The following DST variants were observed in gnomAD, a reference collection of about 807,000 sequenced individuals.
The protein encoded by DST is dystonin.
In DST, 253 loss-of-function variants were observed where a neutral mutation model predicts 875.2. That is an observed-to-expected ratio of 0.29 (90% confidence interval 0.26 to 0.32). DST has a LOEUF of 0.32. Among genes scored for constraint, DST ranks in the 10% least tolerant of loss-of-function variants. The pLI is 1.00. For missense variants in DST, 8,287 were observed against 9,111.6 expected, an observed-to-expected ratio of 0.91 and a Z score of 3.68; for synonymous variants, 3,124 against 3,197.1, an observed-to-expected ratio of 0.98 and a Z score of 0.77.
intron 2 of DST, among the ~76,000 whole-genome samples, chr6:56,941,766 C>A (rs2127788124): frequency 6.6e-6 from 1 of 152,288 alleles, no homozygotes; most frequent in African/African-American, 2.4e-5. Context: ...TAGGCATGAG[C>A]CACCGTGCCT....
At chr6:56,926,795 C>T (rs1199959720) in intron 2 of DST, among the ~76,000 whole-genome samples, 1 of 152,096 alleles carries the variant, frequency 6.6e-6, no homozygotes, top group Non-Finnish European at 1.5e-5. Context: ...AGGATATGCT[C>T]TCCTCAAACT....
intron 2 of DST, among the ~76,000 whole-genome samples, chr6:56,902,229 G>C (rs1332690568): frequency 4.6e-5 from 7 of 152,226 alleles, no homozygotes; most frequent in African/African-American, 1.4e-4. Context: ...AAACTAGTGA[G>C]AGATAAACAC....
chr6:56,497,255 C>T, intron 82 of DST, 124 bp downstream of exon 82: 1 of 1,096,040 alleles, frequency 9.1e-7, no homozygotes, highest in Non-Finnish European at 1.3e-6. Context: ...CATGTATACA[C>T]AGTGATTTCT....
intron 36 of DST, among the ~76,000 whole-genome samples, chr6:56,622,535 A>G (rs1329789834): frequency 7.5e-6 from 1 of 132,534 alleles, no homozygotes; most frequent in African/African-American, 2.9e-5. Context: ...AGATCACGCC[A>G]CTGCACTCCA....
intron 4 of DST, among the ~76,000 whole-genome samples, chr6:56,738,744 T>A (rs538390344): frequency 6.6e-6 from 1 of 152,146 alleles, no homozygotes; most frequent in South Asian, 2.1e-4. Context: ...CACCTCAGCC[T>A]CCCAAGGAGT....
chr6:56,507,616 A>G (rs7773960), intron 75 of DST, among the ~76,000 whole-genome samples: 4,485 of 152,314 alleles, frequency 0.029, 224 homozygotes, highest in African/African-American at 0.1. Context: ...AGGACATTCT[A>G]GAGTGAGGAA....
intron 75 of DST, among the ~76,000 whole-genome samples, chr6:56,507,216 T>C (rs1280407023): frequency 6.6e-6 from 1 of 152,226 alleles, no homozygotes; most frequent in Non-Finnish European, 1.5e-5. Context: ...TTACATTTTA[T>C]GTCATTACCC....
At chr6:56,618,731 G>A in intron 36 of DST, 2 of 1,614,012 alleles carry the variant, frequency 1.2e-6, no homozygotes, top group Non-Finnish European at 1.7e-6. Context: ...ATCATTTTCA[G>A]TGATGACTTT....
chr6:56,817,734 T>C (rs2099768272), intron 4 of DST, among the ~76,000 whole-genome samples: 1 of 152,196 alleles, frequency 6.6e-6, no homozygotes, highest in Non-Finnish European at 1.5e-5. Context: ...AATACAGGAA[T>C]GGTTGTGCTA....
chr6:56,546,603 G>C (rs996110579), intron 61 of DST, among the ~76,000 whole-genome samples: 1 of 151,702 alleles, frequency 6.6e-6, no homozygotes, highest in African/African-American at 2.4e-5. Context: ...ACATTTTCTT[G>C]TTGTATCCAG....
rs527919875 is a variant in DST, at chr6:56,902,440, A to G, written c.217-1819T>C. Among the ~76,000 whole-genome samples, 30 of 152,332 alleles carry G rather than the reference A, an allele frequency of 2.0e-4. No homozygotes were observed. In the South Asian group the frequency reaches 6.0e-3, roughly 31 times the overall value. ...TGTACAGTGGGATTCTCACTGAGGG[A>G]GCCGGAAGATGGGCTACTGTCCAAT... On this transcript the variant is annotated intron_variant, in intron 2 of 103. Transcript: ENST00000680361.
intron 3 of DST, among the ~76,000 whole-genome samples, chr6:56,866,285 A>G (rs1000466760): frequency 2.6e-5 from 4 of 152,222 alleles, no homozygotes; most frequent in Non-Finnish European, 4.4e-5. Context: ...GGCATGAGCC[A>G]CCATGCCCAG....
chr6:56,893,317 T>C (rs62411412), intron 3 of DST, among the ~76,000 whole-genome samples: 8,085 of 152,208 alleles, frequency 0.053, 329 homozygotes, highest in East Asian at 0.16. Context: ...TCCAGGTCAC[T>C]GCAAATTCTG....
At chr6:56,624,356 T>C (rs2098715177) in intron 36 of DST, 174 bp downstream of exon 36, 2 of 690,596 alleles carry the variant, frequency 2.9e-6, no homozygotes, top group African/African-American at 1.8e-5. Flanking sequence ...CAAACAAAAA[T>C]CTTAGGCCTT....
chr6:56,720,183 C>T (rs1477443639), intron 5 of DST, among the ~76,000 whole-genome samples: 4 of 152,224 alleles, frequency 2.6e-5, no homozygotes, highest in Admixed American at 2.6e-4. Context: ...CCCTCAGGGT[C>T]GCCTTCTCTT....
At chr6:56,753,641 G>C (rs2099594459) in intron 4 of DST, among the ~76,000 whole-genome samples, 1 of 152,000 alleles carries the variant, frequency 6.6e-6, no homozygotes, top group South Asian at 2.1e-4. Flanking sequence ...CTGCAATCTA[G>C]TAATGGCAAC....
At chr6:56,644,891 C>T (rs2098933062) in intron 15 of DST, among the ~76,000 whole-genome samples, 1 of 152,068 alleles carries the variant, frequency 6.6e-6, no homozygotes, top group African/African-American at 2.4e-5. Flanking sequence ...AGTGTGGGGC[C>T]AGGTGGAGAT....
intron 79 of DST, 68 bp downstream of exon 79, chr6:56,501,449 TTAA>T: frequency 7.9e-7 from 1 of 1,258,600 alleles, no homozygotes. Flanking sequence ...AATTTTATCT[TTAA>T]TAATTATTTT....
At chr6:56,950,978 C>T (rs1592890504) in intron 2 of DST, among the ~76,000 whole-genome samples, 1 of 152,156 alleles carries the variant, frequency 6.6e-6, no homozygotes, top group African/African-American at 2.4e-5. Flanking sequence ...AGCTGGAGCT[C>T]CTCAGATGAG....
Sources: gnomAD v4.1 joint callset for allele counts (sites outside exome capture counted in the v4.1 genomes callset) on GRCh38, gnomAD v4.1.1 for gene constraint, MANE v1.5 for transcripts, NCBI Gene and HGNC (gene_info 2026-07-23, HGNC 2026-07-21) for gene names.